COL6A5: variants seen among roughly 807,000 people sequenced by gnomAD.
COL6A5 encodes the protein collagen type VI alpha 5 chain, also known as collagen alpha-5(VI) chain.
COL6A5 carries 48 observed loss-of-function variants against 65.6 expected under a neutral mutation model. The observed-to-expected ratio is 0.73, with a 90% confidence interval of 0.58 to 0.93. The LOEUF (loss-of-function observed/expected upper bound fraction) is 0.93, where lower values mean the gene tolerates loss of function less well. Ranked by LOEUF, COL6A5 falls within the 40% of genes least tolerant of loss-of-function variation. The pLI is 0.00. For synonymous variants in COL6A5, 291 were observed against 322.8 expected (o/e 0.90, Z 1.05); for missense variants, 914 against 928.3 (o/e 0.98, Z 0.20).
intron 7 of COL6A5, chr3:130,471,768 T>C: frequency 4.6e-6 from 7 of 1,534,730 alleles, no homozygotes; most frequent in Non-Finnish European, 5.2e-6. Context: ...CTCCTTGTAT[T>C]AGGGAACAAT....
chr3:130,375,606 T>G (rs1428927393), intron 2 of COL6A5, among the ~76,000 whole-genome samples: 1 of 152,112 alleles, frequency 6.6e-6, no homozygotes, highest in East Asian at 1.9e-4. Context: ...TGGCCCATTC[T>G]TACACTGCTA....
chr3:130,410,893 CT>C (rs1194688551), intron 20 of COL6A5, among the ~76,000 whole-genome samples: 1 of 152,166 alleles, frequency 6.6e-6, no homozygotes, highest in Non-Finnish European at 1.5e-5. Flanking sequence ...CATAGTTGGC[CT>C]TTCCCTTTCC....
chr3:130,437,878 G>C (rs971092086), intron 1 of COL6A5, among the ~76,000 whole-genome samples: 3 of 151,044 alleles, frequency 2.0e-5, no homozygotes, highest in African/African-American at 7.3e-5. Flanking sequence ...ATCCTGCTTT[G>C]TTTTTTTTCT....
chr3:130,423,060 A>T (rs553313051), intron 28 of COL6A5, among the ~76,000 whole-genome samples: 61 of 152,204 alleles, frequency 4.0e-4, no homozygotes, highest in African/African-American at 1.4e-3. Context: ...TGTTCCAAGA[A>T]ATGTCAGTGC....
chr3:130,414,601 A>G (rs1359932311), intron 22 of COL6A5, among the ~76,000 whole-genome samples: 2 of 152,116 alleles, frequency 1.3e-5, no homozygotes, highest in Admixed American at 6.5e-5. Context: ...TGCATCTTTC[A>G]TGGTCATATC....
intron 12 of COL6A5, among the ~76,000 whole-genome samples, chr3:130,402,385 A>G (rs1467257476): frequency 3.3e-5 from 5 of 152,272 alleles, no homozygotes; most frequent in Non-Finnish European, 5.9e-5. Context: ...ATTATAAAAT[A>G]TTATACAACA....
At chr3:130,484,597 C>T (rs1710327705) in exon 8 of COL6A5, 1 of 398,840 alleles carries the variant, frequency 2.5e-6, no homozygotes, top group Non-Finnish European at 4.4e-6. Flanking sequence ...AATGCTTTCT[C>T]TTCACCAGGA....
intron 29 of COL6A5, 81 bp downstream of exon 29, chr3:130,423,981 ATGCAC>A (rs1284680162): frequency 9.4e-7 from 1 of 1,066,988 alleles, no homozygotes; most frequent in East Asian, 2.6e-5. Flanking sequence ...TTAAAGTCAA[ATGCAC>A]TGGATTTAAG....
exon 4 of COL6A5, chr3:130,443,551 A>T (rs9883988): frequency 3.1e-6 from 5 of 1,607,890 alleles, no homozygotes; most frequent in Non-Finnish European, 4.3e-6. Context: ...GAGAATATTC[A>T]AAATGATGGT....
rs914916717 is a variant in COL6A5, at chr3:130,397,574, G to C, written c.3569-9G>C. 1.3e-6 allele frequency: 2 copies of C among 1,535,950 alleles called. No individual in the cohort carries two copies. The highest frequency in any genetic ancestry group is 1.8e-6 in the Non-Finnish European group (2 of 1,137,112). On this transcript the variant is annotated splice_polypyrimidine_tract_variant and intron_variant and NMD_transcript_variant, in intron 8 of 41. Transcript: ENST00000312481. The stretch of plus-strand genomic sequence containing the variant: ...TCGTTAATCTTGACTCTGTTCCCTT[G>C]GTTTCTAGATTGCTTTATGGACATA...
In COL6A5 at chr3:130,376,227, A is replaced by G. The variant is rs766362600; in HGVS notation, c.68-10A>G. 1.7e-5 allele frequency: 26 copies of G among 1,547,500 alleles called. No homozygotes were observed. Among genetic ancestry groups the G allele is most frequent in the Admixed American group, 1.5e-4 (7 of 47,844 alleles). ...TAACTTTGTTTTTGCTTGTTATTTT[A>G]TTTTGATAGGGCCAGGCCCTGTGTA... On this transcript the variant is annotated splice_polypyrimidine_tract_variant and intron_variant and NMD_transcript_variant, in intron 2 of 41. Coordinates refer to the COL6A5 transcript ENST00000312481.
At chr3:130,410,063 C>A (rs904685931) in exon 19 of COL6A5, 17 of 1,547,010 alleles carry the variant, frequency 1.1e-5, no homozygotes, top group Non-Finnish European at 1.4e-5. Flanking sequence ...CAAAGGAGAA[C>A]AAGGAAGACA....
At chr3:130,357,748 G>T (rs1383873096) in intron 1 of COL6A5, among the ~76,000 whole-genome samples, 1 of 152,056 alleles carries the variant, frequency 6.6e-6, no homozygotes, top group Non-Finnish European at 1.5e-5. Flanking sequence ...ATGCTGAAAA[G>T]GTATTCGGCA....
chr3:130,372,204 C>T (rs1648532346), intron 1 of COL6A5, among the ~76,000 whole-genome samples: 1 of 152,076 alleles, frequency 6.6e-6, no homozygotes. Flanking sequence ...GACCTTTATA[C>T]ACTGCTGCTG....
intron 3 of COL6A5, among the ~76,000 whole-genome samples, chr3:130,377,739 C>T (rs138676669): frequency 1.2e-4 from 19 of 152,210 alleles, no homozygotes; most frequent in African/African-American, 4.3e-4. Flanking sequence ...AGTTTCCTTA[C>T]CTGTAAAGTG....
chr3:130,457,365 A>G (rs1437410070), intron 5 of COL6A5, among the ~76,000 whole-genome samples: 1 of 152,098 alleles, frequency 6.6e-6, no homozygotes, highest in Non-Finnish European at 1.5e-5. Context: ...CTGGATATGA[A>G]AGAAATGAAG....
At position 130,475,344 on chromosome 3, in the gene COL6A5, G is replaced by GA. The variant is rs546615577; in HGVS notation, c.2328+4385dup. Among the ~76,000 whole-genome samples the GA allele has an allele frequency of 5.2e-3, 788 of 151,448 alleles. 12 individuals are homozygous for GA. Among genetic ancestry groups the GA allele is most frequent in the African/African-American group, 0.018 (760 of 41,332 alleles). Reference sequence around the variant, plus strand: ...CAAACTGCTGAAAACCAAGGATAAAGAAAAAAAATATTGAAGCAGCTAAGA... The same window carrying GA: ...CAAACTGCTGAAAACCAAGGATAAAGAAAAAAAAATATTGAAGCAGCTAAGA... On this transcript the variant is annotated intron_variant, in intron 7 of 7. Coordinates refer to ENST00000512836, the Ensembl canonical transcript of COL6A5.
At chr3:130,435,378 C>T (rs922124894) in intron 1 of COL6A5, among the ~76,000 whole-genome samples, 1 of 152,110 alleles carries the variant, frequency 6.6e-6, no homozygotes, top group African/African-American at 2.4e-5. Flanking sequence ...TATCATGATG[C>T]CTCCAGCTTT....
chr3:130,391,695 A>T (rs757100373), exon 7 of COL6A5: 1 of 1,551,670 alleles, frequency 6.4e-7, no homozygotes, highest in South Asian at 1.2e-5. Context: ...GATAATTTTG[A>T]CAAACTGAAA....
Sources: allele counts gnomAD v4.1 joint callset (sites outside exome capture counted in the v4.1 genomes callset), GRCh38; gene constraint gnomAD v4.1.1; transcripts MANE v1.5; gene names NCBI Gene and HGNC (gene_info 2026-07-23, HGNC 2026-07-21).